Variants in SPTB observed in about 807,000 individuals in gnomAD.
The protein encoded by SPTB is spectrin beta, erythrocytic.
SPTB carries 45 observed loss-of-function variants against 256.2 expected under a neutral mutation model. That is an observed-to-expected ratio of 0.18 (90% CI 0.14 to 0.23). The LOEUF is 0.23. Ranked by LOEUF, SPTB falls within the 10% of genes least tolerant of loss-of-function variation. The pLI is 1.00. For synonymous variants in SPTB, 1,231 were observed against 1,243.1 expected, an observed-to-expected ratio of 0.99 and a Z score of 0.21; for missense variants, 2,715 against 3,040.4, an observed-to-expected ratio of 0.89 and a Z score of 2.52.
In SPTB at chr14:64,873,032, A is replaced by G. The variant is rs1236637833; in HGVS notation, c.-52+6760T>C. 6.6e-6 allele frequency among the ~76,000 whole-genome samples: 1 copy of G among 152,034 alleles called. No individual in the cohort carries two copies. The highest frequency in any genetic ancestry group is 1.5e-5 in the Non-Finnish European group (1 of 67,986). On this transcript the variant is annotated intron_variant, in intron 1 of 35. Coordinates refer to ENST00000644917, the MANE Select transcript of SPTB (RefSeq NM_001355436.2). The surrounding 1 kb of genome is among the most constrained non-coding windows in gnomAD (Gnocchi z 4.3). Reference sequence around the variant, plus strand: ...GAGAACAGACTACCACTCAACCTGAATCTCTTCTCCCAAACATCCCATGCC... The same window carrying G: ...GAGAACAGACTACCACTCAACCTGAGTCTCTTCTCCCAAACATCCCATGCC...
At position 64,771,014 on chromosome 14, in the gene SPTB, T is replaced by G. The variant is rs1209365743; in HGVS notation, c.5669A>C (p.Asp1890Ala). 6.2e-7 allele frequency: 1 copy of G among 1,614,166 alleles called. No homozygotes were observed. Among genetic ancestry groups the G allele is most frequent in the Admixed American group, 1.7e-5 (1 of 60,036 alleles). ...CTGGGTCCGGCGCCCGGCACAGGCA[T>G]CGAGCAGCGCCTGCCACGCGGCAGA... Reference protein sequence around the residue: ...EVSAAWQALLDACAGRRTQLV... With the variant: ...EVSAAWQALLAACAGRRTQLV... The change falls in exon 27 of 36, where the codon GAT (aspartate) becomes GCT (alanine). Residue 1890 changes from aspartate (D) to alanine (A), a missense_variant. Asp to Ala is a moderately radical substitution (Grantham distance 126). Coordinates refer to ENST00000644917, the MANE Select transcript of SPTB (RefSeq NM_001355436.2).
chr14:64,828,142 G>A (rs1316678597), intron 1 of SPTB, among the ~76,000 whole-genome samples: 1 of 152,134 alleles, frequency 6.6e-6, no homozygotes, highest in Non-Finnish European at 1.5e-5. Flanking sequence ...GCAATATCCT[G>A]GTCATTCTGG....
At position 64,794,545 on chromosome 14, in the gene SPTB, T is replaced by C. The variant is rs1485283390; in HGVS notation, c.1717A>G (p.Met573Val). 5 of 1,614,154 alleles carry C rather than the reference T, an allele frequency of 3.1e-6. No individual in the cohort carries two copies. The highest frequency in any genetic ancestry group is 1.7e-6 in the Non-Finnish European group (2 of 1,180,036). The stretch of plus-strand genomic sequence containing the variant: ...CCTTGGATGGCGATGTCAGCTTCCA[T>C]CAACTTGTGCTTCTGTAGCAGGTCT... The part of the protein sequence containing the change: ...VEDLLQKHKL[M>V]EADIAIQGDK... Residue 573 changes from methionine (M) to valine (V), a missense_variant, in exon 13 of 36, where the codon ATG becomes GTG. Coordinates refer to ENST00000644917, the MANE Select transcript of SPTB (RefSeq NM_001355436.2).
chr14:64,819,022 C>T (rs965104338), intron 2 of SPTB, among the ~76,000 whole-genome samples: 2 of 152,202 alleles, frequency 1.3e-5, no homozygotes, highest in Non-Finnish European at 2.9e-5. Flanking sequence ...TGTTAAAACG[C>T]TAAAATCTGC....
At chr14:64,867,098 C>T (rs1310359727) in intron 1 of SPTB, among the ~76,000 whole-genome samples, 1 of 152,138 alleles carries the variant, frequency 6.6e-6, no homozygotes, top group East Asian at 1.9e-4. Flanking sequence ...CTTGTTCCTC[C>T]GATAAATGGG....
Position 64,802,399 on chromosome 14 carries a change from C to T in SPTB, c.475-82G>A. On this transcript the variant is annotated intron_variant, in intron 4 of 35. Coordinates refer to ENST00000644917, the MANE Select transcript of SPTB (RefSeq NM_001355436.2). This position sits in a 1 kb window ranked among gnomAD's most constrained non-coding sequence, Gnocchi z 5.1. Reference sequence around the variant, plus strand: ...TCCTGCCGTCCCTGGGAGGCTCCCTCCCTCATCCCCCCTTCACTTAACACT... The same window carrying T: ...TCCTGCCGTCCCTGGGAGGCTCCCTTCCTCATCCCCCCTTCACTTAACACT... 2.4e-6 allele frequency: 3 copies of T among 1,252,296 alleles called. No individual in the cohort carries two copies. Among genetic ancestry groups the T allele is most frequent in the Non-Finnish European group, 3.4e-6 (3 of 869,646 alleles). 77.6% of individuals were successfully genotyped at this position (1,252,296 alleles called of 1,614,324 possible). A position where few individuals can be genotyped will look rare whatever the true frequency, so the allele number is the denominator to read the frequency against.
chr14:64,779,303 A>G lies in SPTB; in HGVS notation c.4474-57T>C. On this transcript the variant is annotated intron_variant, in intron 21 of 35. Coordinates refer to ENST00000644917, the MANE Select transcript of SPTB (RefSeq NM_001355436.2). The surrounding 1 kb of genome is among the most constrained non-coding windows in gnomAD (Gnocchi z 4.2). ...TGACAATCACGGCCAACCTTTCCTG[A>G]GTGCTCACCATGGGCGGCGCAGAGC... 2 of 1,437,604 alleles carry G rather than the reference A, an allele frequency of 1.4e-6. No individual in the cohort carries two copies. The highest frequency in any genetic ancestry group is 1.9e-6 in the Non-Finnish European group (2 of 1,029,716). 89.1% of individuals were successfully genotyped at this position (1,437,604 alleles called of 1,614,324 possible).
chr14:64,782,760 GGAA>G (rs773266563), intron 19 of SPTB, among the ~76,000 whole-genome samples: 8 of 149,892 alleles, frequency 5.3e-5, no homozygotes, highest in East Asian at 1.9e-4. Flanking sequence ...GGGACACTTT[GGAA>G]GAAGAATTGT....
intron 2 of SPTB, among the ~76,000 whole-genome samples, chr14:64,820,069 G>C (rs1339922092): frequency 6.6e-6 from 1 of 152,164 alleles, no homozygotes; most frequent in African/African-American, 2.4e-5. Flanking sequence ...TTCAGAAGAA[G>C]ACGCCAGGCC....
At chr14:64,774,231 C>T (rs11158559) in intron 24 of SPTB, among the ~76,000 whole-genome samples, 166 bp downstream of exon 24, 40,809 of 152,086 alleles carry the variant, frequency 0.27, 6,223 homozygotes, top group African/African-American at 0.42. Flanking sequence ...AAAACCAAGG[C>T]ATAAAATGAA....
At chr14:64,834,990 A>G (rs139860033) in intron 1 of SPTB, among the ~76,000 whole-genome samples, 8 of 152,336 alleles carry the variant, frequency 5.3e-5, no homozygotes, top group Admixed American at 1.3e-4. Context: ...TAAATAATAT[A>G]TAAGTTATGG....
intron 1 of SPTB, among the ~76,000 whole-genome samples, chr14:64,839,001 C>T (rs900621181): frequency 1.6e-4 from 24 of 151,998 alleles, no homozygotes; most frequent in African/African-American, 5.3e-4. Flanking sequence ...GGGGTAGTGG[C>T]GGGTGCCTGT....
At position 64,824,578 on chromosome 14, in the gene SPTB, G is replaced by A. The variant is rs764066445; in HGVS notation, c.-51-1433C>T. On this transcript the variant is annotated intron_variant, in intron 1 of 35. Transcript: ENST00000644917. The surrounding 1 kb of genome is among the most constrained non-coding windows in gnomAD (Gnocchi z 5.7). ...ACCCAGAGCCTTCACAACCAAGAGA[G>A]CAAAGCGGGAGGCAGGGAGGCTGTG... 3.9e-5 allele frequency among the ~76,000 whole-genome samples: 6 copies of A among 152,190 alleles called. No homozygotes were observed. The highest frequency in any genetic ancestry group is 7.3e-5 in the Non-Finnish European group (5 of 68,030).
Position 64,793,990 on chromosome 14 carries a change from G to C in SPTB, c.1796-123C>G. The C allele has an allele frequency of 2.1e-6, 2 of 939,274 alleles. No individual in the cohort carries two copies. The highest frequency in any genetic ancestry group is 3.1e-6 in the Non-Finnish European group (2 of 643,860). 58.2% of individuals were successfully genotyped at this position (939,274 alleles called of 1,614,324 possible). A position where few individuals can be genotyped will look rare whatever the true frequency, so the allele number is the denominator to read the frequency against. ...AGCTGCCATGTCACTGGGGCTTTGG[G>C]GTTGGATGCAGGGGGGTCCCAGTTG... is the stretch of plus-strand genomic sequence containing the variant. On this transcript the variant is annotated intron_variant, in intron 13 of 35. Coordinates refer to ENST00000644917, the MANE Select transcript of SPTB (RefSeq NM_001355436.2). This position sits in a 1 kb window ranked among gnomAD's most constrained non-coding sequence, Gnocchi z 7.0.
chr14:64,817,806 G>A (rs1313228256), intron 2 of SPTB, among the ~76,000 whole-genome samples: 1 of 152,196 alleles, frequency 6.6e-6, no homozygotes, highest in East Asian at 1.9e-4. Flanking sequence ...ACCCTCCCTG[G>A]GGAGTTCCTG....
rs1322548874 is a variant in SPTB at position 64,806,803 on chromosome 14, G to A, written c.149-1713C>T. ...TATGACGAGGGCTTGAGTCATACAT[G>A]AAGAATGAAGAATTCTACAGCAGCC... On this transcript the variant is annotated intron_variant, in intron 2 of 35. Transcript: ENST00000644917. The surrounding 1 kb of genome is among the most constrained non-coding windows in gnomAD (Gnocchi z 4.1). Among the ~76,000 whole-genome samples, 1 of 152,182 alleles carries A rather than the reference G, an allele frequency of 6.6e-6. No individual in the cohort carries two copies. The highest frequency in any genetic ancestry group is 1.9e-4 in the East Asian group (1 of 5,198).
At chr14:64,875,852 C>T (rs1180746226) in intron 1 of SPTB, among the ~76,000 whole-genome samples, 3 of 152,234 alleles carry the variant, frequency 2.0e-5, no homozygotes, top group African/African-American at 7.2e-5. Context: ...CAGTTATTTT[C>T]ACTCTTGATC....
chr14:64,779,721 G>A lies in SPTB; in HGVS notation c.4473+4C>T, dbSNP rs202178962. On this transcript the variant is annotated splice_donor_region_variant and intron_variant, in intron 21 of 35. Transcript: ENST00000644917. This position sits in a 1 kb window ranked among gnomAD's most constrained non-coding sequence, Gnocchi z 4.2. ...GAGGTAGGGAGAAGCTGTGGCCCACGCACCGTCTCATCCTCTAAGTCCCGG... is the reference window on the plus strand; with the variant it reads ...GAGGTAGGGAGAAGCTGTGGCCCACACACCGTCTCATCCTCTAAGTCCCGG... The A allele has an allele frequency of 1.4e-5, 22 of 1,614,044 alleles. No homozygotes were observed. The highest frequency in any genetic ancestry group is 4.4e-5 in the South Asian group (4 of 91,074).
intron 2 of SPTB, among the ~76,000 whole-genome samples, chr14:64,813,990 C>A (rs1444576437): frequency 6.6e-6 from 1 of 152,210 alleles, no homozygotes; most frequent in Non-Finnish European, 1.5e-5. Context: ...AGGAATTTTC[C>A]TTTCAGCCAA....
Sources: allele counts gnomAD v4.1 joint callset (sites outside exome capture counted in the v4.1 genomes callset), GRCh38; gene constraint gnomAD v4.1.1; non-coding constraint Gnocchi (gnomAD v3.1); transcripts MANE v1.5; gene names NCBI Gene and HGNC (gene_info 2026-07-23, HGNC 2026-07-21).